The following ULK4 variants were observed in gnomAD, a reference collection of about 807,000 sequenced individuals.
ULK4 encodes the protein inactive serine/threonine-protein kinase ULK4.
Under a neutral mutation model 160.6 loss-of-function variants are expected in ULK4, and 133 were observed. The observed-to-expected ratio is 0.83, with a 90% CI of 0.72 to 0.96. The LOEUF (loss-of-function observed/expected upper bound fraction) is 0.96, where lower values mean the gene tolerates loss of function less well. ULK4 is among the 40% of genes least tolerant of loss of function. The pLI, the probability that ULK4 is intolerant of heterozygous loss-of-function variation, is 0.00. For missense variants in ULK4, 1,580 were observed against 1,499.5 expected (o/e 1.05, Z -0.89); for synonymous variants, 534 against 539.8 (o/e 0.99, Z 0.15).
At chr3:41,800,343 GT>G (rs773213656) in intron 19 of ULK4, 50 bp from the exon 20 acceptor site, 2 of 1,514,642 alleles carry the variant, frequency 1.3e-6, no homozygotes, top group Non-Finnish European at 1.8e-6. Context: ...ATAAATACAT[GT>G]TATTTCTTTA....
chr3:41,353,213 T>A (rs1021593579), intron 35 of ULK4, among the ~76,000 whole-genome samples: 1 of 152,200 alleles, frequency 6.6e-6, no homozygotes, highest in Non-Finnish European at 1.5e-5. Context: ...CAGATTTCTG[T>A]TGACTCTTAG....
chr3:41,641,871 C>CTT (rs1216590151), intron 30 of ULK4, among the ~76,000 whole-genome samples: 7 of 138,474 alleles, frequency 5.1e-5, no homozygotes, highest in Non-Finnish European at 7.8e-5. Flanking sequence ...CAATTAATAC[C>CTT]TTTTTTTTTT....
chr3:41,790,725 A>G (rs971391108), intron 20 of ULK4, among the ~76,000 whole-genome samples: 29 of 152,228 alleles, frequency 1.9e-4, no homozygotes, highest in Non-Finnish European at 4.0e-4. Context: ...ACAGTAGGAA[A>G]GAAGAAAACC....
chr3:41,304,749 A>G (rs2079871025), intron 35 of ULK4, among the ~76,000 whole-genome samples: 1 of 152,334 alleles, frequency 6.6e-6, no homozygotes, highest in Admixed American at 6.5e-5. Context: ...TCATAATGCC[A>G]GGAAGTCAAT....
At chr3:41,379,922 C>T (rs180912742) in intron 35 of ULK4, among the ~76,000 whole-genome samples, 92 of 152,184 alleles carry the variant, frequency 6.0e-4, no homozygotes, top group African/African-American at 2.2e-3. Flanking sequence ...TTCCCTAGTT[C>T]CCAGGAAGTC....
At chr3:41,467,441 C>T (rs964248335) in intron 32 of ULK4, among the ~76,000 whole-genome samples, 2 of 152,086 alleles carry the variant, frequency 1.3e-5, no homozygotes, top group Non-Finnish European at 2.9e-5. Context: ...GCAGGAGAAT[C>T]GTTTGAACCC....
chr3:41,409,419 A>G (rs1390661932), intron 34 of ULK4, among the ~76,000 whole-genome samples: 2 of 152,254 alleles, frequency 1.3e-5, no homozygotes, highest in Admixed American at 6.5e-5. Flanking sequence ...GATTTGCTAT[A>G]AAGGATATAA....
intron 19 of ULK4, among the ~76,000 whole-genome samples, chr3:41,812,395 T>G (rs2040844357): frequency 1.3e-5 from 2 of 152,040 alleles, no homozygotes; most frequent in African/African-American, 2.4e-5. Flanking sequence ...AGGGAAGTAT[T>G]TAGAGTGAAA....
In ULK4 at chr3:41,572,714, C is replaced by T. The variant is rs546332499; in HGVS notation, c.3121-6584G>A. ...CCAGGAGGCGGAGCTTGCAATGGGC[C>T]GAGATCGCGCCACTGCACTCCAGCC... On this transcript the variant is annotated intron_variant, in intron 31 of 36. Transcript: ENST00000301831. Among the ~76,000 whole-genome samples the T allele has an allele frequency of 1.8e-3, 271 of 148,920 alleles. 1 individual carries two copies. The highest frequency in any genetic ancestry group is 0.017 in the Middle Eastern group (5 of 294).
chr3:41,305,406 G>A (rs1485756810), intron 35 of ULK4, among the ~76,000 whole-genome samples: 1 of 152,250 alleles, frequency 6.6e-6, no homozygotes, highest in East Asian at 1.9e-4. Context: ...GGTTTTGGTG[G>A]AGACGGGGTT....
At chr3:41,798,541 A>T (rs755103203) in intron 20 of ULK4, among the ~76,000 whole-genome samples, 90 of 152,338 alleles carry the variant, frequency 5.9e-4, no homozygotes, top group Middle Eastern at 3.4e-3. Flanking sequence ...ACATAACTGA[A>T]AAATTTCCAT....
chr3:41,950,089 TTC>T (rs1700238980), intron 2 of ULK4, among the ~76,000 whole-genome samples: 1 of 150,960 alleles, frequency 6.6e-6, no homozygotes, highest in African/African-American at 2.5e-5. Flanking sequence ...ATTTTTATTT[TTC>T]TTTTTTTTTT....
At position 41,815,033 on chromosome 3, in the gene ULK4, C is replaced by G. The variant is rs1321026652; in HGVS notation, c.1848+4390G>C. The stretch of plus-strand genomic sequence containing the variant: ...AAGCGATTCTCCTGCCTCAGCCTCC[C>G]GAGTAGCTGGAATTACAGGCATGCA... On this transcript the variant is annotated intron_variant, in intron 19 of 36. Transcript: ENST00000301831. Among the ~76,000 whole-genome samples the G allele has an allele frequency of 4.0e-5, 6 of 151,804 alleles. No homozygotes were observed. The South Asian group carries it at 8.3e-4, about 21-fold the overall frequency.
chr3:41,795,572 A>C (rs766317155), intron 20 of ULK4, among the ~76,000 whole-genome samples: 1 of 152,266 alleles, frequency 6.6e-6, no homozygotes, highest in Non-Finnish European at 1.5e-5. Flanking sequence ...TAAAATAAAC[A>C]TAACTAATTT....
chr3:41,267,702 A>G (rs2079067892), intron 35 of ULK4, among the ~76,000 whole-genome samples: 1 of 152,186 alleles, frequency 6.6e-6, no homozygotes, highest in Non-Finnish European at 1.5e-5. Flanking sequence ...ATTTGACATC[A>G]GCCACAGTGA....
At chr3:41,658,739 A>ACACACACACACACTCTCACT (rs773048998) in intron 30 of ULK4, among the ~76,000 whole-genome samples, 1 of 151,894 alleles carries the variant, frequency 6.6e-6, no homozygotes, top group South Asian at 2.1e-4. Context: ...ACACACACAC[A>ACACACACACACACTCTCACT]CACACACACA....
Position 41,401,864 on chromosome 3 carries a change from T to G in ULK4, c.3493-3600A>C, listed in dbSNP as rs913801898. 2.6e-5 allele frequency among the ~76,000 whole-genome samples: 4 copies of G among 152,276 alleles called. No individual in the cohort carries two copies. In the South Asian group the frequency reaches 8.3e-4, roughly 32 times the overall value. Reference sequence around the variant, plus strand: ...TTGATGAAGTTGCTATCGACAAGGATGTAGTAAGGTGGGCCCAGTTGTGTG... The same window carrying G: ...TTGATGAAGTTGCTATCGACAAGGAGGTAGTAAGGTGGGCCCAGTTGTGTG... On this transcript the variant is annotated intron_variant, in intron 34 of 36. Transcript: ENST00000301831.
At chr3:41,471,142 G>T (rs2083980482) in intron 32 of ULK4, among the ~76,000 whole-genome samples, 1 of 152,064 alleles carries the variant, frequency 6.6e-6, no homozygotes, top group South Asian at 2.1e-4. Context: ...AACTGAAAGT[G>T]AAGGAATGGA....
chr3:41,257,037 C>T (rs2078848583), intron 35 of ULK4, among the ~76,000 whole-genome samples: 2 of 151,850 alleles, frequency 1.3e-5, no homozygotes, highest in South Asian at 2.1e-4. Flanking sequence ...AAAAAGAACT[C>T]GTCAAATTCA....
Sources: allele counts gnomAD v4.1 joint callset (sites outside exome capture counted in the v4.1 genomes callset), GRCh38; gene constraint gnomAD v4.1.1; transcripts MANE v1.5; gene names NCBI Gene and HGNC (gene_info 2026-07-23, HGNC 2026-07-21).